ZMYND11: variants seen among roughly 807,000 people sequenced by gnomAD.
ZMYND11 encodes the protein zinc finger MYND-type containing 11.
Under a neutral mutation model 84.9 loss-of-function variants are expected in ZMYND11, and 9 were observed. The observed-to-expected ratio is 0.11, with a 90% CI of 0.06 to 0.18. The LOEUF (loss-of-function observed/expected upper bound fraction) is 0.18, where lower values mean the gene tolerates loss of function less well. Among genes scored for constraint, ZMYND11 ranks in the 10% least tolerant of loss-of-function variants. The pLI is 1.00. For synonymous variants in ZMYND11, 250 were observed against 244.1 expected, an observed-to-expected ratio of 1.02 and a Z score of -0.23; for missense variants, 409 against 761.0, an observed-to-expected ratio of 0.54 and a Z score of 5.44.
chr10:188,102 G>A (rs1939241268), intron 2 of ZMYND11, among the ~76,000 whole-genome samples: 1 of 152,046 alleles, frequency 6.6e-6, no homozygotes, highest in African/African-American at 2.4e-5. Flanking sequence ...AATCAGTTTT[G>A]TGTAATTTGA....
chr10:136,796 C>T (rs1554752323), intron 1 of ZMYND11, among the ~76,000 whole-genome samples: 1 of 152,022 alleles, frequency 6.6e-6, no homozygotes, highest in African/African-American at 2.4e-5. Context: ...ACATAGTATC[C>T]TTTCACACTG....
intron 4 of ZMYND11, among the ~76,000 whole-genome samples, chr10:229,380 A>G (rs1948630832): frequency 6.6e-6 from 1 of 152,184 alleles, no homozygotes; most frequent in Non-Finnish European, 1.5e-5. Context: ...TACCTGTAAT[A>G]AGGCATATTT....
intron 3 of ZMYND11, among the ~76,000 whole-genome samples, chr10:215,442 G>A (rs1018930575): frequency 6.6e-6 from 1 of 152,124 alleles, no homozygotes; most frequent in African/African-American, 2.4e-5. Context: ...TAGGAACCAC[G>A]TTGATACTTT....
chr10:209,185 G>C (rs1944729666), intron 2 of ZMYND11, among the ~76,000 whole-genome samples: 1 of 152,052 alleles, frequency 6.6e-6, no homozygotes, highest in Non-Finnish European at 1.5e-5. Context: ...AACATGAGTT[G>C]AATATAGTTG....
chr10:239,300 C>A (rs978033346), intron 6 of ZMYND11, 138 bp from the exon 7 acceptor site: 2 of 660,370 alleles, frequency 3.0e-6, no homozygotes, highest in Non-Finnish European at 5.2e-6. Context: ...CTTTTACACA[C>A]ATTCTCTGTC....
At chr10:136,880 G>A (rs537134971) in intron 1 of ZMYND11, among the ~76,000 whole-genome samples, 1 of 152,180 alleles carries the variant, frequency 6.6e-6, no homozygotes, top group Admixed American at 6.5e-5. Flanking sequence ...GCACGGTACC[G>A]TGCTGCCATA....
At chr10:238,587 A>T (rs1258858560) in intron 6 of ZMYND11, among the ~76,000 whole-genome samples, 1 of 152,064 alleles carries the variant, frequency 6.6e-6, no homozygotes, top group Non-Finnish European at 1.5e-5. Flanking sequence ...CGATCTCCTG[A>T]CCTCGTGATC....
At chr10:242,925 CTGTCA>C (rs1296555915) in intron 10 of ZMYND11, among the ~76,000 whole-genome samples, 3 of 152,180 alleles carry the variant, frequency 2.0e-5, no homozygotes, top group East Asian at 1.9e-4. Context: ...TTACCTGACA[CTGTCA>C]TGTCAAGAAA....
chr10:198,082 G>A (rs1167332851), intron 2 of ZMYND11: 4 of 439,084 alleles, frequency 9.1e-6, no homozygotes, highest in South Asian at 9.1e-5. Flanking sequence ...CAAGCAAGCT[G>A]TAAAATATAT....
intron 5 of ZMYND11, 44 bp downstream of exon 5, chr10:236,959 T>G: frequency 1.3e-6 from 2 of 1,532,912 alleles, no homozygotes; most frequent in South Asian, 1.2e-5. Context: ...CCAAAACACA[T>G]TTTACTATGG....
chr10:197,372 G>A (rs1241693603), intron 2 of ZMYND11, among the ~76,000 whole-genome samples: 1 of 152,094 alleles, frequency 6.6e-6, no homozygotes, highest in Non-Finnish European at 1.5e-5. Flanking sequence ...ATATTTTGGG[G>A]ACAATTAGAA....
intron 4 of ZMYND11, among the ~76,000 whole-genome samples, chr10:236,146 T>C (rs561092069): frequency 2.5e-4 from 38 of 152,368 alleles, no homozygotes; most frequent in African/African-American, 8.9e-4. Context: ...TTGCCTTTGC[T>C]TCCTTTAGGC....
At chr10:250,399 G>T (rs374457783) in intron 14 of ZMYND11, among the ~76,000 whole-genome samples, 5 of 152,338 alleles carry the variant, frequency 3.3e-5, no homozygotes, top group African/African-American at 1.2e-4. Flanking sequence ...GGAGGCCAAG[G>T]TGGAAGGATT....
chr10:145,501 T>G (rs1838606000), intron 1 of ZMYND11, among the ~76,000 whole-genome samples: 1 of 152,150 alleles, frequency 6.6e-6, no homozygotes, highest in Non-Finnish European at 1.5e-5. Context: ...TGTACTAATT[T>G]ACATTACTAT....
chr10:193,878 G>C (rs188120961), intron 2 of ZMYND11, among the ~76,000 whole-genome samples: 63 of 152,260 alleles, frequency 4.1e-4, no homozygotes, highest in South Asian at 2.5e-3. Flanking sequence ...TGATTCATTT[G>C]CTATGTATAT....
chr10:160,139 C>T (rs1423130245), intron 1 of ZMYND11, among the ~76,000 whole-genome samples: 1 of 151,948 alleles, frequency 6.6e-6, no homozygotes, highest in Admixed American at 6.5e-5. Context: ...ACAGGCGTAC[C>T]CTGGATATAT....
intron 2 of ZMYND11, among the ~76,000 whole-genome samples, chr10:200,024 C>T (rs897948310): frequency 2.0e-5 from 3 of 151,712 alleles, no homozygotes; most frequent in African/African-American, 7.3e-5. Flanking sequence ...ACTACCATGC[C>T]TGGCTAAATA....
chr10:179,113 A>G (rs2130684826), intron 1 of ZMYND11, among the ~76,000 whole-genome samples: 1 of 152,276 alleles, frequency 6.6e-6, no homozygotes, highest in African/African-American at 2.4e-5. Flanking sequence ...ATCTAGAGAG[A>G]TGTTTCAGTG....
chr10:137,184 C>T (rs1554752500), intron 1 of ZMYND11, among the ~76,000 whole-genome samples: 1 of 152,030 alleles, frequency 6.6e-6, no homozygotes, highest in Non-Finnish European at 1.5e-5. Context: ...GTCATATGTA[C>T]TGTGTACACA....
Sources: gnomAD v4.1 joint callset for allele counts (sites outside exome capture counted in the v4.1 genomes callset) on GRCh38, gnomAD v4.1.1 for gene constraint, MANE v1.5 for transcripts, NCBI Gene and HGNC (gene_info 2026-07-23, HGNC 2026-07-21) for gene names.